Variants in ZNF385D observed in about 807,000 individuals in gnomAD.
ZNF385D encodes zinc finger protein 659.
A neutral mutation model predicts 35.8 loss-of-function variants in ZNF385D; 15 were observed. The ratio of observed to expected loss-of-function variants is 0.42; its 90% confidence interval spans 0.28 to 0.64. The LOEUF (loss-of-function observed/expected upper bound fraction) is 0.64. ZNF385D is among the 30% of genes least tolerant of loss of function. The pLI is 0.23. For synonymous variants in ZNF385D, 212 were observed against 186.8 expected (o/e 1.13, Z -1.10); for missense variants, 474 against 494.6 (o/e 0.96, Z 0.39).
chr3:22,257,278 ACACT>A (rs1356919610), intron 2 of ZNF385D, among the ~76,000 whole-genome samples: 4 of 151,862 alleles, frequency 2.6e-5, no homozygotes, highest in African/African-American at 9.7e-5. Flanking sequence ...GTTAGATTCT[ACACT>A]CAAAGTACGA....
chr3:22,166,996 C>G (rs1432099128), intron 3 of ZNF385D, among the ~76,000 whole-genome samples: 1 of 152,188 alleles, frequency 6.6e-6, no homozygotes, highest in African/African-American at 2.4e-5. Flanking sequence ...TAAGTAGAGA[C>G]TGAAATATAC....
chr3:21,680,917 G>C (rs1360502554), intron 1 of ZNF385D, among the ~76,000 whole-genome samples: 1 of 152,132 alleles, frequency 6.6e-6, no homozygotes, highest in African/African-American at 2.4e-5. Flanking sequence ...CCCATAGTCA[G>C]ACAGTCCCTT....
intron 3 of ZNF385D, among the ~76,000 whole-genome samples, chr3:22,033,258 C>T (rs986803548): frequency 1.3e-5 from 2 of 151,772 alleles, no homozygotes; most frequent in African/African-American, 4.8e-5. Context: ...AAAAATCAGC[C>T]TGGCATGGTG....
intron 3 of ZNF385D, among the ~76,000 whole-genome samples, chr3:21,866,581 T>G (rs1697378947): frequency 6.6e-6 from 1 of 152,192 alleles, no homozygotes; most frequent in Non-Finnish European, 1.5e-5. Flanking sequence ...GACCTCAGTT[T>G]CTGATTCAGT....
At chr3:22,092,856 T>C (rs1701404161) in intron 3 of ZNF385D, among the ~76,000 whole-genome samples, 2 of 152,184 alleles carry the variant, frequency 1.3e-5, no homozygotes, top group South Asian at 2.1e-4. Context: ...TAAGGTCTGA[T>C]TGTTAGTCTT....
chr3:22,158,982 A>C (rs1482287543), intron 3 of ZNF385D, among the ~76,000 whole-genome samples: 1 of 152,112 alleles, frequency 6.6e-6, no homozygotes, highest in Non-Finnish European at 1.5e-5. Context: ...CAAACCTAGA[A>C]AAGCAGAGGA....
chr3:22,031,641 G>C (rs13061262), intron 3 of ZNF385D, among the ~76,000 whole-genome samples: 19,350 of 152,192 alleles, frequency 0.13, 1,615 homozygotes, highest in South Asian at 0.26. Flanking sequence ...CCTATGATTG[G>C]AGGGGCTGCT....
chr3:21,982,075 AAT>A (rs557342515), intron 3 of ZNF385D, among the ~76,000 whole-genome samples: 3,319 of 132,194 alleles, frequency 0.025, 71 homozygotes, highest in Middle Eastern at 0.086. Flanking sequence ...TGAATTTTAA[AAT>A]AGTTTTTTTT....
intron 3 of ZNF385D, among the ~76,000 whole-genome samples, chr3:22,082,953 C>T (rs905637605): frequency 1.3e-5 from 2 of 152,194 alleles, no homozygotes; most frequent in Non-Finnish European, 2.9e-5. Context: ...GGTGGACCTC[C>T]AGCAAACTCC....
At position 21,425,510 on chromosome 3, in the gene ZNF385D, C is replaced by G. The variant is rs200280562; in HGVS notation, c.834G>C (p.Ser278=). The change falls in exon 6 of 8, where the codon TCG becomes TCC. Residue 278 remains serine (S), a synonymous_variant. Transcript: ENST00000281523. ...HCEICDVHVN[S]ETQLKQHISS... is the part of the protein sequence containing the mutation. ...TGTTTACCTGTTTAAGTTGCGTTTC[C>G]GAGTTGACGTGCACATCACAGATTT... 6.3e-7 allele frequency: 1 copy of G among 1,598,950 alleles called. No homozygotes were observed. Among genetic ancestry groups the G allele is most frequent in the South Asian group, 1.1e-5 (1 of 88,566 alleles).
chr3:22,048,711 T>C (rs947436491), intron 3 of ZNF385D, among the ~76,000 whole-genome samples: 11 of 152,178 alleles, frequency 7.2e-5, no homozygotes, highest in African/African-American at 1.7e-4. Context: ...TTGCTCAAGA[T>C]TGCTTTAACT....
At chr3:21,811,673 CA>C (rs1194767902) in intron 3 of ZNF385D, among the ~76,000 whole-genome samples, 2 of 152,166 alleles carry the variant, frequency 1.3e-5, no homozygotes, top group South Asian at 2.1e-4. Flanking sequence ...GTATAGTTTA[CA>C]AAAACTATAA....
chr3:21,626,826 G>A (rs1276724751), intron 2 of ZNF385D, among the ~76,000 whole-genome samples: 1 of 151,988 alleles, frequency 6.6e-6, no homozygotes, highest in Non-Finnish European at 1.5e-5. Context: ...CAGCAGGCAA[G>A]TGTGTTAGAA....
At chr3:22,017,158 G>A (rs1211330875) in intron 3 of ZNF385D, among the ~76,000 whole-genome samples, 2 of 151,986 alleles carry the variant, frequency 1.3e-5, no homozygotes, top group Non-Finnish European at 2.9e-5. Context: ...GGTTATGAGA[G>A]CCTTAAATAA....
intron 1 of ZNF385D, among the ~76,000 whole-genome samples, chr3:21,684,370 CTCT>C (rs1559516416): frequency 7.0e-5 from 3 of 42,818 alleles, no homozygotes; most frequent in Admixed American, 2.8e-4. Context: ...GTTCTCCTCT[CTCT>C]CTCTCTCTCT....
intron 3 of ZNF385D, among the ~76,000 whole-genome samples, chr3:22,082,272 G>C (rs563618248): frequency 6.6e-6 from 1 of 152,060 alleles, no homozygotes; most frequent in African/African-American, 2.4e-5. Context: ...GTAAGTGCAA[G>C]GGGTCAGGGA....
At chr3:22,166,774 G>A (rs75714885) in intron 3 of ZNF385D, among the ~76,000 whole-genome samples, 8 of 152,166 alleles carry the variant, frequency 5.3e-5, no homozygotes, top group Middle Eastern at 3.2e-3. Context: ...TAAACAAGAT[G>A]TATCTTTTGT....
chr3:21,660,722 C>T (rs551318035), intron 2 of ZNF385D, among the ~76,000 whole-genome samples: 8 of 152,294 alleles, frequency 5.3e-5, no homozygotes, highest in Admixed American at 2.6e-4. Flanking sequence ...CATTCTCCTT[C>T]GATCTCTAGC....
intron 4 of ZNF385D, among the ~76,000 whole-genome samples, chr3:21,478,362 C>T (rs761377500): frequency 3.3e-5 from 5 of 152,094 alleles, no homozygotes; most frequent in Admixed American, 6.6e-5. Context: ...CATTAGGCCT[C>T]ACCATGCAAT....
Sources: allele counts gnomAD v4.1 joint callset (sites outside exome capture counted in the v4.1 genomes callset), GRCh38; gene constraint gnomAD v4.1.1; transcripts MANE v1.5; gene names NCBI Gene and HGNC (gene_info 2026-07-23, HGNC 2026-07-21).